TXNL4A: variants seen among roughly 807,000 people sequenced by gnomAD.
TXNL4A encodes the protein thioredoxin-like protein 4A.
TXNL4A carries 17 observed loss-of-function variants against 14.6 expected under a neutral mutation model. The ratio of observed to expected loss-of-function variants is 1.16; its 90% CI spans 0.80 to 1.74. The LOEUF (loss-of-function observed/expected upper bound fraction) is 1.74, where lower values mean the gene tolerates loss of function less well. Ranked by LOEUF, TXNL4A falls within the 40% of genes most tolerant of loss-of-function variation. TXNL4A has a pLI of 0.00. For missense variants in TXNL4A, 74 were observed against 195.2 expected (o/e 0.38, Z 3.70); for synonymous variants, 83 against 70.6 (o/e 1.18, Z -0.88).
At chr18:79,975,200 C>G (rs138467025) in intron 2 of TXNL4A, among the ~76,000 whole-genome samples, 2 of 152,172 alleles carry the variant, frequency 1.3e-5, no homozygotes, top group Non-Finnish European at 2.9e-5. Flanking sequence ...TCAGAACCCC[C>G]TGCTAATTTA....
intron 1 of TXNL4A, among the ~76,000 whole-genome samples, chr18:79,987,628 T>G (rs1184145429): frequency 6.6e-6 from 1 of 152,236 alleles, no homozygotes; most frequent in Non-Finnish European, 1.5e-5. Flanking sequence ...CAACTTTTAT[T>G]GTCAGCAAGT....
At chr18:80,003,675 G>A (rs1337654336) in intron 1 of TXNL4A, among the ~76,000 whole-genome samples, 1 of 152,088 alleles carries the variant, frequency 6.6e-6, no homozygotes, top group Non-Finnish European at 1.5e-5. Context: ...TATTGGAGAT[G>A]GTGTATTTGT....
At chr18:80,016,131 C>T (rs2145120372) in intron 1 of TXNL4A, among the ~76,000 whole-genome samples, 1 of 150,074 alleles carries the variant, frequency 6.7e-6, no homozygotes, top group East Asian at 1.9e-4. Flanking sequence ...AGCATTTTTT[C>T]ATGTGTCTTT....
At chr18:79,980,267 T>A (rs896148031) in intron 1 of TXNL4A, among the ~76,000 whole-genome samples, 1 of 152,256 alleles carries the variant, frequency 6.6e-6, no homozygotes, top group Non-Finnish European at 1.5e-5. Context: ...TCTGGACTTC[T>A]GGTATCCAGA....
At chr18:80,000,039 T>C (rs2051688869) in intron 1 of TXNL4A, among the ~76,000 whole-genome samples, 1 of 152,184 alleles carries the variant, frequency 6.6e-6, no homozygotes, top group Non-Finnish European at 1.5e-5. Context: ...TCTTGATAAA[T>C]TACCCAGTCT....
intron 2 of TXNL4A, among the ~76,000 whole-genome samples, chr18:79,975,695 G>A (rs907998797): frequency 6.6e-6 from 1 of 152,224 alleles, no homozygotes; most frequent in Non-Finnish European, 1.5e-5. Context: ...GTGTTACTGG[G>A]AAACGGAGAA....
At chr18:79,995,210 G>A (rs2051653008) in intron 1 of TXNL4A, 1 of 152,194 alleles carries the variant, frequency 6.6e-6, no homozygotes, top group Admixed American at 6.5e-5. Flanking sequence ...ACCTTTATCA[G>A]CTGGTCCACA....
At chr18:80,000,387 A>G (rs1936196877) in intron 1 of TXNL4A, among the ~76,000 whole-genome samples, 1 of 152,214 alleles carries the variant, frequency 6.6e-6, no homozygotes. Flanking sequence ...GAATGGTGGC[A>G]TTTTGCCCCT....
At chr18:79,996,908 A>ACT in intron 1 of TXNL4A, among the ~76,000 whole-genome samples, 1 of 152,322 alleles carries the variant, frequency 6.6e-6, no homozygotes, top group East Asian at 1.9e-4. Flanking sequence ...GTGCCACTGC[A>ACT]CTCCAGCCTG....
chr18:80,000,953 T>TCA (rs1336160021), intron 1 of TXNL4A, among the ~76,000 whole-genome samples: 13 of 152,304 alleles, frequency 8.5e-5, no homozygotes, highest in African/African-American at 3.1e-4. Flanking sequence ...GAGCCAAATG[T>TCA]TAGTCACCAA....
At chr18:80,016,970 G>A (rs1271750170) in intron 1 of TXNL4A, among the ~76,000 whole-genome samples, 5 of 152,044 alleles carry the variant, frequency 3.3e-5, no homozygotes, top group South Asian at 2.1e-4. Context: ...CCATTTTCAC[G>A]ATATTGATTC....
At chr18:80,004,882 C>A (rs1320964395) in intron 1 of TXNL4A, among the ~76,000 whole-genome samples, 2 of 152,146 alleles carry the variant, frequency 1.3e-5, no homozygotes, top group Non-Finnish European at 2.9e-5. Context: ...GAGAAAGCAT[C>A]AGAACTATTG....
chr18:79,996,901 C>T (rs2051666728), intron 1 of TXNL4A, among the ~76,000 whole-genome samples: 1 of 152,196 alleles, frequency 6.6e-6, no homozygotes, highest in Non-Finnish European at 1.5e-5. Context: ...CAAGACTGTG[C>T]CACTGCACTC....
intron 1 of TXNL4A, among the ~76,000 whole-genome samples, chr18:80,031,456 G>A (rs1046398271): frequency 2.6e-5 from 4 of 152,182 alleles, no homozygotes; most frequent in Non-Finnish European, 5.9e-5. Context: ...GCACAAGGAC[G>A]AGTAATTCAG....
At chr18:79,981,240 A>G (rs118168346) in intron 1 of TXNL4A, among the ~76,000 whole-genome samples, 1,625 of 152,368 alleles carry the variant, frequency 0.011, 11 homozygotes, top group Non-Finnish European at 0.017. Flanking sequence ...TTGAAATATC[A>G]TTTGGACAGG....
upstream of TXNL4A, among the ~76,000 whole-genome samples, chr18:79,989,611 C>CT (rs2051610418): frequency 1.3e-5 from 2 of 152,212 alleles, no homozygotes; most frequent in Non-Finnish European, 2.9e-5. Flanking sequence ...TGGGTTCATG[C>CT]TGGAGACTCC....
At chr18:80,009,832 G>C (rs1440753137) in intron 1 of TXNL4A, among the ~76,000 whole-genome samples, 1 of 152,162 alleles carries the variant, frequency 6.6e-6, no homozygotes. Flanking sequence ...GAGGGGCTGC[G>C]TGCGCAGTGT....
chr18:80,033,016 A>T (rs1402486509), intron 1 of TXNL4A, among the ~76,000 whole-genome samples: 1 of 69,146 alleles, frequency 1.4e-5, no homozygotes, highest in Non-Finnish European at 3.1e-5. Flanking sequence ...GCTTCTCAAT[A>T]CTCCGCCCTT....
intron 1 of TXNL4A, among the ~76,000 whole-genome samples, chr18:79,983,785 G>A (rs1007800113): frequency 2.6e-5 from 4 of 152,234 alleles, no homozygotes; most frequent in Admixed American, 1.3e-4. Context: ...CCATGTGACA[G>A]GAGTGCTCTA....
Sources: gnomAD v4.1 joint callset for allele counts (sites outside exome capture counted in the v4.1 genomes callset) on GRCh38, gnomAD v4.1.1 for gene constraint, MANE v1.5 for transcripts, NCBI Gene and HGNC (gene_info 2026-07-23, HGNC 2026-07-21) for gene names.